Variants in SCUBE1 observed in about 807,000 individuals in gnomAD.
SCUBE1 encodes signal peptide, CUB domain and EGF like domain containing 1, also known as signal peptide, CUB and EGF-like domain-containing protein 1.
SCUBE1 carries 59 observed loss-of-function variants against 124.4 expected under a neutral mutation model. The ratio of observed to expected loss-of-function variants is 0.47; its 90% CI spans 0.38 to 0.59. The LOEUF (loss-of-function observed/expected upper bound fraction) is 0.59, where lower values mean the gene tolerates loss of function less well. Ranked by LOEUF, SCUBE1 falls within the 20% of genes least tolerant of loss-of-function variation. SCUBE1 has a pLI of 0.00. For missense variants in SCUBE1, 1,150 were observed against 1,371.2 expected (o/e 0.84, Z 2.55); for synonymous variants, 545 against 550.9 (o/e 0.99, Z 0.15).
intron 2 of SCUBE1, among the ~76,000 whole-genome samples, chr22:43,327,884 T>A (rs2146792796): frequency 6.6e-6 from 1 of 152,336 alleles, no homozygotes; most frequent in South Asian, 2.1e-4. Context: ...TTGTATACTT[T>A]TAACGAGTGA....
rs12157379 is a variant in SCUBE1, at chr22:43,258,057, G to T, written c.727+162C>A. ...CTCCCCAGAAAGCCTCCCCAGGGGCGCCGGCCATCCCCGCCATTGCCATGG... is the reference window on the plus strand; with the variant it reads ...CTCCCCAGAAAGCCTCCCCAGGGGCTCCGGCCATCCCCGCCATTGCCATGG... On this transcript the variant is annotated intron_variant, in intron 6 of 21. Transcript: ENST00000360835. The surrounding 1 kb of genome is among the most constrained non-coding windows in gnomAD (Gnocchi z 5.0). 0.17 allele frequency among the ~76,000 whole-genome samples: 26,095 copies of T among 152,106 alleles called. 3,211 individuals carry two copies. Among genetic ancestry groups the T allele is most frequent in the African/African-American group, 0.35 (14,708 of 41,444 alleles).
Position 43,258,353 on chromosome 22 carries a change from G to A in SCUBE1, c.611-18C>T, listed in dbSNP as rs1923744390. The stretch of plus-strand genomic sequence containing the variant: ...ACAGGTTACTAGTTAGGCCCAAAGT[G>A]TACACACGGGTGTATAAACAGAACA... On this transcript the variant is annotated intron_variant, in intron 5 of 21. Transcript: ENST00000360835. This position sits in a 1 kb window ranked among gnomAD's most constrained non-coding sequence, Gnocchi z 5.0. 8 of 1,534,448 alleles carry A rather than the reference G, an allele frequency of 5.2e-6. No homozygotes were observed. The highest frequency in any genetic ancestry group is 1.4e-5 in the African/African-American group (1 of 73,344).
At chr22:43,280,806 C>T (rs1358533846) in intron 4 of SCUBE1, among the ~76,000 whole-genome samples, 1 of 134,820 alleles carries the variant, frequency 7.4e-6, no homozygotes, top group East Asian at 2.6e-4. Flanking sequence ...TACCCTGTCA[C>T]CTCCCTCAGC....
In SCUBE1 at chr22:43,211,865, A is replaced by G. The variant is rs1385209622; in HGVS notation, c.2221+560T>C. 6.6e-6 allele frequency among the ~76,000 whole-genome samples: 1 copy of G among 152,046 alleles called. No individual in the cohort carries two copies. Among genetic ancestry groups the G allele is most frequent in the African/African-American group, 2.4e-5 (1 of 41,384 alleles). Reference sequence around the variant, plus strand: ...CAAATTCAGAACAGTTTGTATGTGCAGGGGAGTATCTGGTGATGTGGCTGG... The same window carrying G: ...CAAATTCAGAACAGTTTGTATGTGCGGGGGAGTATCTGGTGATGTGGCTGG... On this transcript the variant is annotated intron_variant, in intron 17 of 21. Transcript: ENST00000360835. This position sits in a 1 kb window ranked among gnomAD's most constrained non-coding sequence, Gnocchi z 4.5.
chr22:43,273,561 CTTTTTTTTTTTT>C (rs1056252584), intron 4 of SCUBE1, among the ~76,000 whole-genome samples: 4 of 60,950 alleles, frequency 6.6e-5, no homozygotes, highest in African/African-American at 2.0e-4. Context: ...CTAAAACCCT[CTTTTTTTTTTTT>C]TTTTTTTTTT....
chr22:43,320,072 A>G lies in SCUBE1; in HGVS notation c.221-7T>C. On this transcript the variant is annotated splice_polypyrimidine_tract_variant and splice_region_variant and intron_variant, in intron 2 of 21. Transcript: ENST00000360835. ...TTCTCACACTCGTCAATGTCTGCAA[A>G]AGGAAGGGCATGAGAGGTGTCAGAA... 6.2e-7 allele frequency: 1 copy of G among 1,613,728 alleles called. No homozygotes were observed. Among genetic ancestry groups the G allele is most frequent in the Non-Finnish European group, 8.5e-7 (1 of 1,179,726 alleles).
At chr22:43,290,590 C>CA (rs151079149) in intron 4 of SCUBE1, among the ~76,000 whole-genome samples, 3,028 of 152,344 alleles carry the variant, frequency 0.02, 110 homozygotes, top group African/African-American at 0.071. Context: ...AGGCGCCCGA[C>CA]CACAAGGACC....
rs1167273552 is a variant in SCUBE1, at chr22:43,332,536, C to A, written c.220+6568G>T. Among the ~76,000 whole-genome samples the A allele has an allele frequency of 8.5e-5, 13 of 152,264 alleles. No individual in the cohort carries two copies. In the East Asian group the frequency reaches 2.3e-3, roughly 27 times the overall value. Reference sequence around the variant, plus strand: ...TTCCCATGGGCTGATGGGGGCCTGGCCTGATGCTGGGACCCCTTGGCTGGT... The same window carrying A: ...TTCCCATGGGCTGATGGGGGCCTGGACTGATGCTGGGACCCCTTGGCTGGT... On this transcript the variant is annotated intron_variant, in intron 2 of 21. Transcript: ENST00000360835.
At chr22:43,227,167 G>T (rs746441793) in intron 10 of SCUBE1, among the ~76,000 whole-genome samples, 23 of 152,198 alleles carry the variant, frequency 1.5e-4, no homozygotes, top group Non-Finnish European at 2.6e-4. Context: ...GCTGACACTG[G>T]CATGCTCTGC....
intron 3 of SCUBE1, 90 bp from the exon 4 acceptor site, chr22:43,291,270 T>A: frequency 7.1e-7 from 1 of 1,407,806 alleles, no homozygotes; most frequent in Non-Finnish European, 9.8e-7. Flanking sequence ...TGCAGTGAAT[T>A]TCCTCACATG....
Position 43,198,901 on chromosome 22 carries a change from G to A in SCUBE1, c.*5096C>T, listed in dbSNP as rs1430850404. 2.7e-6 allele frequency: 1 copy of A among 376,430 alleles called. No individual in the cohort carries two copies. Among genetic ancestry groups the A allele is most frequent in the Non-Finnish European group, 5.2e-6 (1 of 190,536 alleles). 23.3% of individuals were successfully genotyped at this position (376,430 alleles called of 1,614,324 possible). A position where few individuals can be genotyped will look rare whatever the true frequency, so the allele number is the denominator to read the frequency against. ...GGGCAGTTTGCTGTCTGCTTTCCGG[G>A]GCAGTTTGTCTGTCTGCTGTCTGGG... On this transcript the variant is annotated 3_prime_UTR_variant, in exon 22 of 22. Transcript: ENST00000360835.
At chr22:43,272,925 G>A (rs1050062630) in intron 4 of SCUBE1, among the ~76,000 whole-genome samples, 10 of 152,192 alleles carry the variant, frequency 6.6e-5, no homozygotes, top group African/African-American at 2.4e-4. Flanking sequence ...CCCTGGTCAC[G>A]CAGCTGTCAG....
At chr22:43,290,292 C>T (rs1014008948) in intron 4 of SCUBE1, among the ~76,000 whole-genome samples, 5 of 152,140 alleles carry the variant, frequency 3.3e-5, no homozygotes, top group Admixed American at 6.6e-5. Context: ...TGTGTCCTGG[C>T]TCTCTCCTCC....
chr22:43,342,858 C>T (rs1221883533), intron 1 of SCUBE1, among the ~76,000 whole-genome samples: 2 of 151,750 alleles, frequency 1.3e-5, no homozygotes, highest in African/African-American at 2.4e-5. Flanking sequence ...CTCGGGGTCC[C>T]GCCCCGCCCA....
intron 6 of SCUBE1, among the ~76,000 whole-genome samples, chr22:43,245,863 G>A (rs1923189713): frequency 6.6e-6 from 1 of 152,234 alleles, no homozygotes; most frequent in South Asian, 2.1e-4. Context: ...GGCAGCAGGC[G>A]GGGCCTCAAT....
intron 3 of SCUBE1, among the ~76,000 whole-genome samples, chr22:43,301,191 CCAGG>C (rs1925757187): frequency 6.6e-6 from 1 of 152,150 alleles, no homozygotes; most frequent in East Asian, 1.9e-4. Flanking sequence ...TCGCTCCCCT[CCAGG>C]GCTGCCACGG....
chr22:43,332,873 G>A (rs1926947448), intron 2 of SCUBE1, among the ~76,000 whole-genome samples: 1 of 152,158 alleles, frequency 6.6e-6, no homozygotes, highest in African/African-American at 2.4e-5. Flanking sequence ...AGCACTGAGG[G>A]AGGATGTTCA....
intron 9 of SCUBE1, 84 bp downstream of exon 9, chr22:43,228,988 T>G (rs749485055): frequency 4.1e-6 from 4 of 965,276 alleles, no homozygotes; most frequent in Non-Finnish European, 6.4e-6. Context: ...AGGGCAGGGT[T>G]GGGATGCGGG....
chr22:43,300,513 A>G (rs527396245), intron 3 of SCUBE1, among the ~76,000 whole-genome samples: 3 of 150,926 alleles, frequency 2.0e-5, no homozygotes, highest in African/African-American at 7.3e-5. Flanking sequence ...AGTCACAAAG[A>G]CTCCAGGTGG....
Sources: gnomAD v4.1 joint callset for allele counts (sites outside exome capture counted in the v4.1 genomes callset) on GRCh38, gnomAD v4.1.1 for gene constraint, Gnocchi (gnomAD v3.1) non-coding constraint, MANE v1.5 for transcripts, NCBI Gene and HGNC (gene_info 2026-07-23, HGNC 2026-07-21) for gene names.